B3GALT1: variants seen among roughly 807,000 people sequenced by gnomAD.
The protein encoded by B3GALT1 is beta-1,3-galactosyltransferase 1, also known as UDP-Gal:betaGlcNAc beta 1,3-galactosyltransferase, polypeptide 1.
Under a neutral mutation model 23.2 loss-of-function variants are expected in B3GALT1, and 10 were observed. The ratio of observed to expected loss-of-function variants is 0.43; its 90% confidence interval spans 0.27 to 0.73. The LOEUF (loss-of-function observed/expected upper bound fraction) is 0.73. Among genes scored for constraint, B3GALT1 ranks in the 30% least tolerant of loss-of-function variants. The pLI, the probability that B3GALT1 is intolerant of heterozygous loss-of-function variation, is 0.21. For synonymous variants in B3GALT1, 156 were observed against 141.5 expected, an observed-to-expected ratio of 1.10 and a Z score of -0.73; for missense variants, 299 against 405.4, an observed-to-expected ratio of 0.74 and a Z score of 2.25.
intron 1 of B3GALT1, among the ~76,000 whole-genome samples, chr2:167,448,143 G>A (rs1043092815): frequency 6.6e-6 from 1 of 152,126 alleles, no homozygotes; most frequent in Non-Finnish European, 1.5e-5. Context: ...ATAACTCATA[G>A]TGGGACTGCT....
intron 2 of B3GALT1, among the ~76,000 whole-genome samples, chr2:167,499,119 T>C (rs898794449): frequency 6.6e-6 from 1 of 152,180 alleles, no homozygotes; most frequent in Non-Finnish European, 1.5e-5. Flanking sequence ...GAGATTCTCA[T>C]TGCTTTTAAT....
chr2:167,846,600 T>G (rs1281465996), intron 4 of B3GALT1, among the ~76,000 whole-genome samples: 1 of 152,176 alleles, frequency 6.6e-6, no homozygotes, highest in Non-Finnish European at 1.5e-5. Flanking sequence ...TAAAAGAAGC[T>G]CTGTTTCTTG....
At chr2:167,696,309 A>AT (rs1686791346) in intron 3 of B3GALT1, among the ~76,000 whole-genome samples, 1 of 151,702 alleles carries the variant, frequency 6.6e-6, no homozygotes, top group Non-Finnish European at 1.5e-5. Flanking sequence ...AAAAAAAAAA[A>AT]AAAAAAAAAT....
At chr2:167,747,936 C>T (rs1036991027) in intron 3 of B3GALT1, among the ~76,000 whole-genome samples, 15 of 152,134 alleles carry the variant, frequency 9.9e-5, no homozygotes, top group Admixed American at 2.0e-4. Flanking sequence ...ATTTATTTCA[C>T]CAAATTTTAA....
At chr2:167,580,262 A>G (rs1684459749) in intron 2 of B3GALT1, among the ~76,000 whole-genome samples, 1 of 152,168 alleles carries the variant, frequency 6.6e-6, no homozygotes, top group African/African-American at 2.4e-5. Context: ...ACTTATGGAA[A>G]TATATTTTGC....
At chr2:167,718,118 G>C (rs1389447367) in intron 3 of B3GALT1, among the ~76,000 whole-genome samples, 1 of 152,138 alleles carries the variant, frequency 6.6e-6, no homozygotes, top group Non-Finnish European at 1.5e-5. Flanking sequence ...GTACACAAGA[G>C]GGGAGAACAG....
chr2:167,680,235 T>A (rs1450487991), intron 3 of B3GALT1, among the ~76,000 whole-genome samples: 1 of 152,228 alleles, frequency 6.6e-6, no homozygotes, highest in East Asian at 1.9e-4. Context: ...AAGAGATTTA[T>A]AAATATGCAT....
At chr2:167,320,059 A>G (rs1696784448) in intron 1 of B3GALT1, among the ~76,000 whole-genome samples, 1 of 152,088 alleles carries the variant, frequency 6.6e-6, no homozygotes, top group Admixed American at 6.5e-5. Context: ...ACTGCCTTAC[A>G]TTGCTTGACT....
intron 3 of B3GALT1, among the ~76,000 whole-genome samples, chr2:167,668,212 G>A (rs888188001): frequency 9.9e-5 from 15 of 151,866 alleles, no homozygotes; most frequent in East Asian, 3.9e-4. Flanking sequence ...ACCCGACCGC[G>A]TGAGGTGTTA....
intron 1 of B3GALT1, among the ~76,000 whole-genome samples, chr2:167,313,556 G>T (rs1696664905): frequency 6.6e-6 from 1 of 152,152 alleles, no homozygotes; most frequent in South Asian, 2.1e-4. Context: ...TAGTCTAAGA[G>T]GTCAGATAAA....
intron 3 of B3GALT1, among the ~76,000 whole-genome samples, chr2:167,789,873 C>G (rs1034130654): frequency 9.2e-5 from 14 of 152,098 alleles, no homozygotes; most frequent in African/African-American, 3.4e-4. Context: ...CCCCTTGGAA[C>G]AGTGTCTTCA....
At chr2:167,624,713 C>T (rs766578829) in intron 2 of B3GALT1, among the ~76,000 whole-genome samples, 7 of 151,904 alleles carry the variant, frequency 4.6e-5, no homozygotes, top group Non-Finnish European at 7.4e-5. Context: ...CTTTGGTTTG[C>T]CATGTGAAAG....
chr2:167,561,544 T>G (rs1410535434), intron 2 of B3GALT1, among the ~76,000 whole-genome samples: 3 of 151,544 alleles, frequency 2.0e-5, no homozygotes, highest in East Asian at 3.9e-4. Flanking sequence ...ATCAACAAAA[T>G]TGATAGACCG....
chr2:167,634,315 C>T (rs1221659849), intron 2 of B3GALT1, among the ~76,000 whole-genome samples: 1 of 152,000 alleles, frequency 6.6e-6, no homozygotes, highest in African/African-American at 2.4e-5. Flanking sequence ...CAAACACATT[C>T]AAAAGCTAGC....
At chr2:167,839,564 G>A (rs1689582890) in intron 4 of B3GALT1, among the ~76,000 whole-genome samples, 1 of 152,260 alleles carries the variant, frequency 6.6e-6, no homozygotes, top group Non-Finnish European at 1.5e-5. Context: ...CCATGCTCAT[G>A]GATAGGAAGA....
intron 1 of B3GALT1, among the ~76,000 whole-genome samples, chr2:167,474,205 G>C (rs1024383740): frequency 1.3e-5 from 2 of 152,144 alleles, no homozygotes; most frequent in East Asian, 1.9e-4. Context: ...TTTAACAGCT[G>C]TTTGACTGAC....
chr2:167,519,389 A>T (rs1485337607), intron 2 of B3GALT1, among the ~76,000 whole-genome samples: 2 of 149,384 alleles, frequency 1.3e-5, no homozygotes, highest in Non-Finnish European at 3.0e-5. Flanking sequence ...ATTCATTTAG[A>T]TACATTTACT....
chr2:167,569,373 A>G (rs1684245463), intron 2 of B3GALT1, among the ~76,000 whole-genome samples: 1 of 151,870 alleles, frequency 6.6e-6, no homozygotes, highest in Admixed American at 6.6e-5. Context: ...AGATATTTTT[A>G]TTAGAGATTT....
At chr2:167,318,672 G>A (rs1696757328) in intron 1 of B3GALT1, among the ~76,000 whole-genome samples, 1 of 152,080 alleles carries the variant, frequency 6.6e-6, no homozygotes, top group Non-Finnish European at 1.5e-5. Flanking sequence ...TTTGGGTTCA[G>A]GAATGCAAGC....
Sources: gnomAD v4.1 joint callset for allele counts (sites outside exome capture counted in the v4.1 genomes callset) on GRCh38, gnomAD v4.1.1 for gene constraint, MANE v1.5 for transcripts, NCBI Gene and HGNC (gene_info 2026-07-23, HGNC 2026-07-21) for gene names.